Variants in EFNB2 observed in about 807,000 individuals in gnomAD.
EFNB2 encodes the protein ephrin B2, also known as ephrin-B2.
EFNB2 carries 5 observed loss-of-function variants against 32.1 expected under a neutral mutation model. That is an observed-to-expected ratio of 0.16 (90% CI 0.08 to 0.33). The LOEUF is 0.33. Among genes scored for constraint, EFNB2 ranks in the 10% least tolerant of loss-of-function variants. The probability of loss-of-function intolerance (pLI) is 1.00; values close to 1 mark genes in which losing one functional copy is unlikely to be tolerated. For missense variants in EFNB2, 263 were observed against 422.6 expected, an observed-to-expected ratio of 0.62 and a Z score of 3.31; for synonymous variants, 168 against 166.5, an observed-to-expected ratio of 1.01 and a Z score of -0.07.
rs1475274838 is a variant in EFNB2, at chr13:106,534,989, C to T, written c.-25G>A. ...TGGCGAAGCCACTCCCAGCTCCGCG[C>T]ACTCCGGGCCAAGAAGGGACTGACG... On this transcript the variant is annotated 5_prime_UTR_variant, in exon 1 of 5. Coordinates refer to ENST00000646441, the MANE Select transcript of EFNB2 (RefSeq NM_004093.4). 6.2e-7 allele frequency: 1 copy of T among 1,611,418 alleles called. No homozygotes were observed. The highest frequency in any genetic ancestry group is 8.5e-7 in the Non-Finnish European group (1 of 1,178,798).
Position 106,535,245 on chromosome 13 carries a change from C to A in EFNB2, c.-281G>T. 1 of 149,788 alleles carries A rather than the reference C, an allele frequency of 6.7e-6. No individual in the cohort carries two copies. The highest frequency in any genetic ancestry group is 1.9e-4 in the South Asian group (1 of 5,178). 9.3% of individuals were successfully genotyped at this position (149,788 alleles called of 1,614,324 possible). Reference sequence around the variant, plus strand: ...GGACGCAGCTCGGACGGCCGACTCCCGTGCGGCTCCAGGGTGCCGGGCCGG... The same window carrying A: ...GGACGCAGCTCGGACGGCCGACTCCAGTGCGGCTCCAGGGTGCCGGGCCGG... On this transcript the variant is annotated 5_prime_UTR_variant, in exon 1 of 5. Transcript: ENST00000646441.
chr13:106,494,276 G>C (rs1422137381), intron 4 of EFNB2, among the ~76,000 whole-genome samples: 1 of 152,190 alleles, frequency 6.6e-6, no homozygotes, highest in African/African-American at 2.4e-5. Flanking sequence ...ACCTTCATTA[G>C]CATGGTAACA....
intron 2 of EFNB2, among the ~76,000 whole-genome samples, chr13:106,506,969 G>T (rs1022927494): frequency 3.9e-5 from 6 of 152,142 alleles, no homozygotes; most frequent in Non-Finnish European, 7.4e-5. Flanking sequence ...TTGGACAGGG[G>T]GAGGGTGGTG....
At chr13:106,498,459 T>C (rs1045555370) in intron 2 of EFNB2, among the ~76,000 whole-genome samples, 1 of 152,276 alleles carries the variant, frequency 6.6e-6, no homozygotes, top group East Asian at 1.9e-4. Flanking sequence ...CTTTTCTGAA[T>C]ATCAATGCTT....
At chr13:106,507,067 T>C (rs1031715606) in intron 2 of EFNB2, among the ~76,000 whole-genome samples, 3 of 152,102 alleles carry the variant, frequency 2.0e-5, no homozygotes, top group Non-Finnish European at 4.4e-5. Context: ...AGCTGTAGGT[T>C]AGAAATAAAA....
chr13:106,515,283 C>A (rs147189522), intron 1 of EFNB2, among the ~76,000 whole-genome samples: 109 of 152,258 alleles, frequency 7.2e-4, no homozygotes, highest in Non-Finnish European at 1.1e-3. Context: ...ATTCATTTTA[C>A]AAACACGCCA....
chr13:106,521,080 G>A (rs1879502865), intron 1 of EFNB2: 1 of 152,150 alleles, frequency 6.6e-6, no homozygotes, highest in African/African-American at 2.4e-5. Context: ...TGTTTTCACA[G>A]GTGCCCCTTC....
chr13:106,501,422 G>A (rs1416969466), intron 2 of EFNB2, among the ~76,000 whole-genome samples: 1 of 151,512 alleles, frequency 6.6e-6, no homozygotes, highest in African/African-American at 2.4e-5. Flanking sequence ...ACTTTCCGAG[G>A]GCCTCATTAT....
chr13:106,518,097 T>G lies in EFNB2; in HGVS notation c.123-5285A>C, dbSNP rs1049272594. 9 of 152,346 alleles carry G rather than the reference T, an allele frequency of 5.9e-5. No individual in the cohort carries two copies. The highest frequency in any genetic ancestry group is 2.2e-4 in the African/African-American group (9 of 41,580). 9.4% of individuals were successfully genotyped at this position (152,346 alleles called of 1,614,324 possible). A position where few individuals can be genotyped will look rare whatever the true frequency, so the allele number is the denominator to read the frequency against. On this transcript the variant is annotated intron_variant, in intron 1 of 4. Transcript: ENST00000646441. The surrounding 1 kb of genome is among the most constrained non-coding windows in gnomAD (Gnocchi z 4.1). Reference sequence around the variant, plus strand: ...GCTCACGCCTATAATCCCAGCACTTTGGGAGGCTGAGGCGGGTGGATCACG... The same window carrying G: ...GCTCACGCCTATAATCCCAGCACTTGGGGAGGCTGAGGCGGGTGGATCACG...
rs1320242751 is a variant in EFNB2, at chr13:106,492,929, C to T, written c.*111G>A. On this transcript the variant is annotated 3_prime_UTR_variant, in exon 5 of 5. Transcript: ENST00000646441. This position sits in a 1 kb window ranked among gnomAD's most constrained non-coding sequence, Gnocchi z 5.1. ...TTCCGAGGAGGAGTGTCCCTCTCCC[C>T]CGGTGCTGTGCTTCAGTCAATTCTC... 1 of 1,404,624 alleles carries T rather than the reference C, an allele frequency of 7.1e-7. No homozygotes were observed. The highest frequency in any genetic ancestry group is 1.4e-5 in the African/African-American group (1 of 69,986). The allele number at this position is 1,404,624 out of a possible 1,614,324, so 87.0% of individuals were successfully genotyped here. A position where few individuals can be genotyped will look rare whatever the true frequency, so the allele number is the denominator to read the frequency against.
Position 106,535,142 on chromosome 13 carries a change from G to C in EFNB2, c.-178C>G. 1.9e-6 allele frequency: 1 copy of C among 531,816 alleles called. No individual in the cohort carries two copies. The highest frequency in any genetic ancestry group is 2.6e-6 in the Non-Finnish European group (1 of 385,912). 32.9% of individuals were successfully genotyped at this position (531,816 alleles called of 1,614,324 possible). On this transcript the variant is annotated 5_prime_UTR_variant, in exon 1 of 5. Transcript: ENST00000646441. ...CGGGCCAGGTGCGCTCGCTCTCCGG[G>C]GCCCTCAGGGCGCGGGGCGGGAGCG... is the stretch of plus-strand genomic sequence containing the variant.
chr13:106,516,612 C>T (rs1879320703), intron 1 of EFNB2: 2 of 152,066 alleles, frequency 1.3e-5, no homozygotes, highest in Non-Finnish European at 1.5e-5. Context: ...TTTTTTCCCC[C>T]AAATCAAGCT....
intron 1 of EFNB2, among the ~76,000 whole-genome samples, chr13:106,522,882 G>A (rs530297627): frequency 1.1e-4 from 16 of 152,062 alleles, no homozygotes; most frequent in African/African-American, 3.4e-4. Context: ...GCATAAATAG[G>A]GTGCTCAATA....
chr13:106,494,308 A>G (rs1878516446), intron 4 of EFNB2, among the ~76,000 whole-genome samples: 1 of 152,248 alleles, frequency 6.6e-6, no homozygotes, highest in African/African-American at 2.4e-5. Flanking sequence ...ATTTGTTCCA[A>G]GACTGTTAAG....
intron 2 of EFNB2, among the ~76,000 whole-genome samples, chr13:106,509,627 C>CTGTGTGTGTGTGTG (rs34068695): frequency 0.011 from 1,581 of 142,628 alleles, 19 homozygotes; most frequent in Non-Finnish European, 0.016. Flanking sequence ...CAGAGCTTGA[C>CTGTGTGTGTGTGTG]TGTGTGTGTG....
intron 2 of EFNB2, among the ~76,000 whole-genome samples, chr13:106,496,826 A>G (rs1878607430): frequency 6.6e-6 from 1 of 152,244 alleles, no homozygotes; most frequent in African/African-American, 2.4e-5. Context: ...TTAATGAGAA[A>G]CAGGCTTTGA....
chr13:106,522,074 G>T (rs146193983), intron 1 of EFNB2, among the ~76,000 whole-genome samples: 3 of 151,508 alleles, frequency 2.0e-5, no homozygotes, highest in Admixed American at 1.3e-4. Context: ...AACCACACAC[G>T]CACCCCAAAA....
chr13:106,534,553 G>C (rs1306849402), intron 1 of EFNB2, among the ~76,000 whole-genome samples: 1 of 152,216 alleles, frequency 6.6e-6, no homozygotes, highest in African/African-American at 2.4e-5. Context: ...GTCAGGTATC[G>C]CCATCGGACA....
Position 106,493,118 on chromosome 13 carries a change from G to T in EFNB2, c.924C>A (p.Ser308Arg), listed in dbSNP as rs141594061. The T allele has an allele frequency of 3.7e-6, 6 of 1,613,956 alleles. No homozygotes were observed. Among genetic ancestry groups the T allele is most frequent in the Non-Finnish European group, 5.1e-6 (6 of 1,180,050 alleles). The change falls in exon 5 of 5, where the codon AGC (serine) becomes AGA (arginine). Residue 308 changes from serine to arginine, a missense_variant. Around this residue, in one of 3 missense-constraint regions of EFNB2, gnomAD observed 172 missense variants for 237.1 expected, o/e 0.73. Coordinates refer to ENST00000646441, the MANE Select transcript of EFNB2 (RefSeq NM_004093.4). This position sits in a 1 kb window ranked among gnomAD's most constrained non-coding sequence, Gnocchi z 6.1. ...SVFCPHYEKV[S>R]GDYGHPVYIV... ...TGTACACCGGGTGCCCGTAGTCCCC[G>T]CTGACCTTCTCGTAGTGAGGGCAGA...
Sources: gnomAD v4.1 joint callset for allele counts (sites outside exome capture counted in the v4.1 genomes callset) on GRCh38, gnomAD v4.1.1 for gene constraint, gnomAD v4.1.1 regional missense constraint, Gnocchi (gnomAD v3.1) non-coding constraint, MANE v1.5 for transcripts, NCBI Gene and HGNC (gene_info 2026-07-23, HGNC 2026-07-21) for gene names.